KL: variants seen among roughly 807,000 people sequenced by gnomAD.
The protein encoded by KL is alpha-klotho.
In KL, 62 loss-of-function variants were observed where a neutral mutation model predicts 84.2. That is an observed-to-expected ratio of 0.74 (90% CI 0.60 to 0.91). The LOEUF is 0.91. Ranked by LOEUF, KL falls within the 40% of genes least tolerant of loss-of-function variation. The probability of loss-of-function intolerance (pLI) is 0.00; values close to 1 mark genes in which losing one functional copy is unlikely to be tolerated. For missense variants in KL, 1,261 were observed against 1,305.7 expected (o/e 0.97, Z 0.53); for synonymous variants, 528 against 528.0 (o/e 1.00, Z 0.00).
In KL at chr13:33,060,768, T is replaced by G. The variant is rs1872146723; in HGVS notation, c.1689T>G (p.Val563=). Residue 563 remains valine (V), a synonymous_variant, in exon 4 of 5, where the codon GTT becomes GTG. Transcript: ENST00000380099. ...AAAGGCTTATTAAAGTGGATGGGGT[T>G]GTGACCAAGAAGAGGAAATCCTACT... ...HSKRLIKVDG[V]VTKKRKSYCV... 3 of 1,614,102 alleles carry G rather than the reference T, an allele frequency of 1.9e-6. No homozygotes were observed. The highest frequency in any genetic ancestry group is 1.6e-4 in the Middle Eastern group (1 of 6,084).
At chr13:33,062,169 A>G (rs563969128) in intron 4 of KL, among the ~76,000 whole-genome samples, 1 of 152,206 alleles carries the variant, frequency 6.6e-6, no homozygotes, top group Non-Finnish European at 1.5e-5. Context: ...GCTTGAGCCT[A>G]GAAGTTTGAG....
chr13:33,061,571 A>G lies in KL; in HGVS notation c.2492A>G (p.Gln831Arg). Residue 831 changes from glutamine to arginine, a missense_variant, in exon 4 of 5, where the codon CAA (glutamine) becomes CGA (arginine). Physicochemically the swap from Gln to Arg is conservative, Grantham distance 43. Coordinates refer to ENST00000380099, the MANE Select transcript of KL (RefSeq NM_004795.4). ...PIKYNDYLEV[Q>R]EMTDITWLNS... is the part of the protein sequence containing the mutation. ...AAATACAATGATTACCTAGAAGTGC[A>G]AGAAATGACCGACATCACGTGGCTC... is the stretch of plus-strand genomic sequence containing the variant. 6.2e-7 allele frequency: 1 copy of G among 1,614,228 alleles called. No individual in the cohort carries two copies. The highest frequency in any genetic ancestry group is 8.5e-7 in the Non-Finnish European group (1 of 1,180,032).
chr13:33,023,650 A>G (rs943400232), intron 1 of KL, among the ~76,000 whole-genome samples: 3 of 152,210 alleles, frequency 2.0e-5, no homozygotes, highest in Non-Finnish European at 4.4e-5. Context: ...TAAACCAAAG[A>G]TAAATATTGA....
At chr13:33,050,200 C>T (rs547696688) in intron 1 of KL, among the ~76,000 whole-genome samples, 2 of 152,180 alleles carry the variant, frequency 1.3e-5, no homozygotes, top group African/African-American at 2.4e-5. Flanking sequence ...CTTGGCCATA[C>T]AGTTAATAAC....
At chr13:33,030,589 C>G (rs1328114531) in intron 1 of KL, among the ~76,000 whole-genome samples, 2 of 152,170 alleles carry the variant, frequency 1.3e-5, no homozygotes, top group Non-Finnish European at 2.9e-5. Context: ...GAATGGCATG[C>G]AGACTCCCGA....
At chr13:33,034,886 A>G (rs1244120216) in intron 1 of KL, among the ~76,000 whole-genome samples, 1 of 152,190 alleles carries the variant, frequency 6.6e-6, no homozygotes, top group Admixed American at 6.5e-5. Context: ...TCCATGTTGA[A>G]TATACACCAT....
chr13:33,057,861 C>G (rs1035499129), intron 3 of KL, among the ~76,000 whole-genome samples: 9 of 152,190 alleles, frequency 5.9e-5, no homozygotes, highest in Admixed American at 3.3e-4. Flanking sequence ...CACTTACAAA[C>G]AGTACTCTAC....
At chr13:33,030,511 C>A (rs1176671233) in intron 1 of KL, among the ~76,000 whole-genome samples, 2 of 152,170 alleles carry the variant, frequency 1.3e-5, no homozygotes, top group African/African-American at 4.8e-5. Context: ...CTCAAAGTAA[C>A]TGATGGCTGT....
Position 33,065,974 on chromosome 13 carries a change from C to T in KL, c.*1788C>T, listed in dbSNP as rs944408404. ...GAATGTATCACAACTTAACCGTTCC[C>T]GTTTGTTAGACTAGTTTCTTATTAA... On this transcript the variant is annotated 3_prime_UTR_variant, in exon 5 of 5. Coordinates refer to ENST00000380099, the MANE Select transcript of KL (RefSeq NM_004795.4). 1 of 176,390 alleles carries T rather than the reference C, an allele frequency of 5.7e-6. No individual in the cohort carries two copies. Among genetic ancestry groups the T allele is most frequent in the African/African-American group, 2.4e-5 (1 of 42,196 alleles). 10.9% of individuals were successfully genotyped at this position (176,390 alleles called of 1,614,324 possible).
At chr13:33,062,591 T>G (rs1194400847) in intron 4 of KL, among the ~76,000 whole-genome samples, 1 of 136,190 alleles carries the variant, frequency 7.3e-6, no homozygotes, top group Non-Finnish European at 1.5e-5. Flanking sequence ...AAGAATCACT[T>G]GAACTGGGGA....
At position 33,054,111 on chromosome 13, in the gene KL, A is replaced by G. The variant is rs762228841; in HGVS notation, c.1164A>G (p.Gln388=). ...QLLDPHMKFR[Q]LESPNLRQLL... ...TGGACCCTCACATGAAGTTCCGCCA[A>G]TTGGAATCTCCCAACCTGAGGCAAC... Residue 388 remains glutamine, a synonymous_variant, in exon 2 of 5, where the codon CAA becomes CAG. Coordinates refer to ENST00000380099, the MANE Select transcript of KL (RefSeq NM_004795.4). The G allele has an allele frequency of 1.9e-6, 3 of 1,614,028 alleles. No homozygotes were observed. Among genetic ancestry groups the G allele is most frequent in the East Asian group, 2.2e-5 (1 of 44,882 alleles).
chr13:33,045,195 A>G (rs1158619087), intron 1 of KL, among the ~76,000 whole-genome samples: 1 of 152,170 alleles, frequency 6.6e-6, no homozygotes, highest in African/African-American at 2.4e-5. Context: ...TTGTGTGTTG[A>G]TCTTGTACCT....
intron 1 of KL, among the ~76,000 whole-genome samples, chr13:33,022,282 ATTATC>A (rs1870603953): frequency 6.6e-6 from 1 of 152,236 alleles, no homozygotes; most frequent in African/African-American, 2.4e-5. Flanking sequence ...AGCCTTCTGA[ATTATC>A]TTATATTCTC....
At chr13:33,019,980 T>A (rs1160660042) in intron 1 of KL, among the ~76,000 whole-genome samples, 8 of 151,944 alleles carry the variant, frequency 5.3e-5, no homozygotes, top group African/African-American at 1.7e-4. Flanking sequence ...AGTTGGGGAG[T>A]TCAGCCCCAG....
At chr13:33,048,930 G>T (rs74743640) in intron 1 of KL, among the ~76,000 whole-genome samples, 15 of 152,170 alleles carry the variant, frequency 9.9e-5, no homozygotes, top group African/African-American at 2.9e-4. Flanking sequence ...TATTTTCCTC[G>T]ACTTCCAAAA....
Position 33,064,141 on chromosome 13 carries a change from C to T in KL, c.2994C>T (p.Ser998=), listed in dbSNP as rs1270122551. ...FLFFASIISL[S]LIFYYSKKGR... ...TTTTTGCTTCTATTATTTCTCTCTC[C>T]CTTATATTTTACTACTCGAAGAAAG... Residue 998 remains serine (S), a synonymous_variant, in exon 5 of 5, where the codon TCC becomes TCT. Transcript: ENST00000380099. 6.2e-7 allele frequency: 1 copy of T among 1,612,668 alleles called. No homozygotes were observed. Among genetic ancestry groups the T allele is most frequent in the Non-Finnish European group, 8.5e-7 (1 of 1,179,314 alleles).
chr13:33,033,696 C>T (rs765611345), intron 1 of KL, among the ~76,000 whole-genome samples: 2 of 151,840 alleles, frequency 1.3e-5, no homozygotes, highest in Non-Finnish European at 2.9e-5. Flanking sequence ...TCCTGGAGGC[C>T]CCCGGAACTA....
chr13:33,029,662 C>T (rs1870902073), intron 1 of KL, among the ~76,000 whole-genome samples: 1 of 152,110 alleles, frequency 6.6e-6, no homozygotes. Flanking sequence ...GAGACGGAGT[C>T]TTGCTGTGTT....
intron 1 of KL, among the ~76,000 whole-genome samples, chr13:33,043,430 A>C (rs1871409528): frequency 6.6e-6 from 1 of 151,924 alleles, no homozygotes; most frequent in Non-Finnish European, 1.5e-5. Flanking sequence ...ATGTTGCCCA[A>C]GTTGGTCTCG....
Sources: allele counts gnomAD v4.1 joint callset (sites outside exome capture counted in the v4.1 genomes callset), GRCh38; gene constraint gnomAD v4.1.1; transcripts MANE v1.5; gene names NCBI Gene and HGNC (gene_info 2026-07-23, HGNC 2026-07-21).